Variants in PEAK1 observed in about 807,000 individuals in gnomAD.
PEAK1 encodes the protein pseudopodium enriched atypical kinase 1, also known as inactive tyrosine-protein kinase PEAK1.
PEAK1 carries 54 observed loss-of-function variants against 124.7 expected under a neutral mutation model. That is an observed-to-expected ratio of 0.43 (90% confidence interval 0.35 to 0.54). The LOEUF is 0.54. PEAK1 is among the 20% of genes least tolerant of loss of function. The pLI, the probability that PEAK1 is intolerant of heterozygous loss-of-function variation, is 0.01. For synonymous variants in PEAK1, 719 were observed against 760.0 expected, an observed-to-expected ratio of 0.95 and a Z score of 0.89; for missense variants, 2,046 against 2,134.5, an observed-to-expected ratio of 0.96 and a Z score of 0.82.
At chr15:77,376,681 G>C (rs968019849) in intron 1 of PEAK1, among the ~76,000 whole-genome samples, 1 of 152,074 alleles carries the variant, frequency 6.6e-6, no homozygotes, top group Non-Finnish European at 1.5e-5. Flanking sequence ...TTAAAGAGTA[G>C]TTTATGATAT....
At chr15:77,265,571 A>G (rs2061677928) in intron 5 of PEAK1, among the ~76,000 whole-genome samples, 1 of 152,198 alleles carries the variant, frequency 6.6e-6, no homozygotes. Flanking sequence ...ATCTCACACC[A>G]GTTAGAATGG....
intron 9 of PEAK1, among the ~76,000 whole-genome samples, chr15:77,122,102 C>T (rs1411672989): frequency 2.0e-5 from 3 of 152,156 alleles, no homozygotes; most frequent in Admixed American, 6.5e-5. Flanking sequence ...ACACTCAATG[C>T]TGTTACAACT....
Position 77,151,730 on chromosome 15 carries a change from G to A in PEAK1, c.3331+6773C>T, listed in dbSNP as rs532204522. Reference sequence around the variant, plus strand: ...ATCCAGTTTCAGCTTTCTACATATGGCTAGCCAGTTTTCCCAGCACCATTT... The same window carrying A: ...ATCCAGTTTCAGCTTTCTACATATGACTAGCCAGTTTTCCCAGCACCATTT... On this transcript the variant is annotated intron_variant, in intron 8 of 9. Transcript: ENST00000682557. 7.9e-5 allele frequency among the ~76,000 whole-genome samples: 12 copies of A among 152,206 alleles called. No homozygotes were observed. The South Asian group carries it at 1.2e-3, about 16-fold the overall frequency.
intron 7 of PEAK1, among the ~76,000 whole-genome samples, chr15:77,165,205 T>G (rs1249754254): frequency 1.3e-5 from 2 of 151,210 alleles, no homozygotes; most frequent in African/African-American, 4.8e-5. Context: ...CTGGCCTTTT[T>G]TTTTTTTTTT....
intron 6 of PEAK1, 64 bp from the exon 7 acceptor site, chr15:77,182,104 T>G: frequency 7.8e-7 from 1 of 1,277,224 alleles, no homozygotes; most frequent in Non-Finnish European, 9.9e-7. Context: ...TTACCATTAT[T>G]AGTGACTTGA....
intron 6 of PEAK1, among the ~76,000 whole-genome samples, chr15:77,183,359 G>A (rs577188654): frequency 6.6e-6 from 1 of 152,120 alleles, no homozygotes; most frequent in Non-Finnish European, 1.5e-5. Context: ...TCTACAAATT[G>A]CAGGATTTCC....
At chr15:77,399,477 G>C (rs924230641) in intron 1 of PEAK1, among the ~76,000 whole-genome samples, 1 of 152,042 alleles carries the variant, frequency 6.6e-6, no homozygotes, top group African/African-American at 2.4e-5. Flanking sequence ...TAAACTCACA[G>C]ACCAATGGAA....
intron 8 of PEAK1, among the ~76,000 whole-genome samples, chr15:77,145,278 A>G (rs150109715): frequency 1.1e-4 from 17 of 152,240 alleles, no homozygotes; most frequent in Admixed American, 2.0e-4. Flanking sequence ...GTGAAACCCC[A>G]TCTCCACTAA....
rs530356298 is a variant in PEAK1, at chr15:77,312,179, A to G, written c.-602-25675T>C. Among the ~76,000 whole-genome samples the G allele has an allele frequency of 7.9e-5, 12 of 152,352 alleles. No individual in the cohort carries two copies. In the South Asian group the frequency reaches 2.5e-3, roughly 32 times the overall value. On this transcript the variant is annotated intron_variant, in intron 2 of 9. Coordinates refer to ENST00000682557, the MANE Select transcript of PEAK1 (RefSeq NM_001385026.1). ...CTGGGTTTCTGTTCTGAAACTAGGT[A>G]AATAGTGAAACTTTTTGCTGACACA... is the stretch of plus-strand genomic sequence containing the variant.
rs751848504 is a variant in PEAK1, at chr15:77,181,670, C to T, written c.257G>A (p.Cys86Tyr). The T allele has an allele frequency of 1.9e-6, 3 of 1,614,016 alleles. No homozygotes were observed. Among genetic ancestry groups the T allele is most frequent in the Non-Finnish European group, 1.7e-6 (2 of 1,180,024 alleles). Reference sequence around the variant, plus strand: ...GTGTTCTTGGATGCTAAGCTCACCACATATACTTTGCCCATCTGCCACTAT... The same window carrying T: ...GTGTTCTTGGATGCTAAGCTCACCATATATACTTTGCCCATCTGCCACTAT... The part of the protein sequence containing the change: ...TMIVADGQSI[C>Y]GELSIQEHCE... The change falls in exon 7 of 10, where the codon TGT (cysteine) becomes TAT (tyrosine). Residue 86 changes from cysteine (C) to tyrosine (Y), a missense_variant. Physicochemically the swap from Cys to Tyr is radical, Grantham distance 194 (BLOSUM62 -2). Transcript: ENST00000682557.
intron 2 of PEAK1, among the ~76,000 whole-genome samples, chr15:77,302,185 C>A (rs2063821448): frequency 6.6e-6 from 1 of 152,142 alleles, no homozygotes; most frequent in Non-Finnish European, 1.5e-5. Flanking sequence ...CTGACTTCTA[C>A]TCCCCAAGAT....
At chr15:77,364,718 G>C (rs2068108337) in intron 2 of PEAK1, among the ~76,000 whole-genome samples, 1 of 152,198 alleles carries the variant, frequency 6.6e-6, no homozygotes, top group Non-Finnish European at 1.5e-5. Flanking sequence ...CCTTATTACA[G>C]AGGCTCCCAA....
At chr15:77,252,912 A>G (rs552513582) in intron 5 of PEAK1, among the ~76,000 whole-genome samples, 2 of 152,254 alleles carry the variant, frequency 1.3e-5, no homozygotes, top group Admixed American at 6.5e-5. Flanking sequence ...TTCAGTATAA[A>G]GACCTCTCTA....
downstream of PEAK1, chr15:77,106,351 A>G (rs1031745361): frequency 2.0e-5 from 3 of 150,538 alleles, no homozygotes; most frequent in Non-Finnish European, 3.0e-5. Flanking sequence ...ATCTAAAGAC[A>G]TAAGTGACTA....
At position 77,120,516 on chromosome 15, in the gene PEAK1, CTAAT is replaced by C. The variant is rs375223975; in HGVS notation, c.4078-5201_4078-5198del. ...TCTCCTGCATCTTCACTCCCTATGG[CTAAT>C]TAATTATCAACTCTCATTGACTTTT... On this transcript the variant is annotated intron_variant, in intron 9 of 9. Coordinates refer to ENST00000682557, the MANE Select transcript of PEAK1 (RefSeq NM_001385026.1). 4.5e-4 allele frequency among the ~76,000 whole-genome samples: 69 copies of C among 152,314 alleles called. No individual in the cohort carries two copies. In the South Asian group the frequency reaches 5.6e-3, roughly 12 times the overall value.
intron 6 of PEAK1, among the ~76,000 whole-genome samples, chr15:77,230,364 T>C (rs1010775835): frequency 6.6e-6 from 1 of 151,986 alleles, no homozygotes; most frequent in Non-Finnish European, 1.5e-5. Context: ...CATACCAGGC[T>C]AATTTTTGTA....
At chr15:77,273,976 A>T (rs1441830329) in intron 5 of PEAK1, among the ~76,000 whole-genome samples, 1 of 152,184 alleles carries the variant, frequency 6.6e-6, no homozygotes, top group Non-Finnish European at 1.5e-5. Context: ...ATAAAGAGAA[A>T]TACTTACAGT....
intron 2 of PEAK1, chr15:77,351,581 C>G (rs2067212953): frequency 9.3e-6 from 4 of 430,244 alleles, no homozygotes; most frequent in Non-Finnish European, 1.2e-5. Flanking sequence ...TTAACAGGGC[C>G]TTTGAGCCCG....
At chr15:77,247,642 A>G (rs2060659505) in intron 6 of PEAK1, among the ~76,000 whole-genome samples, 2 of 151,368 alleles carry the variant, frequency 1.3e-5, no homozygotes, top group South Asian at 4.2e-4. Context: ...CACCTGGCTA[A>G]TTTTTTTATT....
Sources: gnomAD v4.1 joint callset for allele counts (sites outside exome capture counted in the v4.1 genomes callset) on GRCh38, gnomAD v4.1.1 for gene constraint, MANE v1.5 for transcripts, NCBI Gene and HGNC (gene_info 2026-07-23, HGNC 2026-07-21) for gene names.